The following SLC22A23 variants were observed in gnomAD, a reference collection of about 807,000 sequenced individuals.
SLC22A23 encodes solute carrier family 22 member 23, also known as ion transporter protein.
SLC22A23 carries 26 observed loss-of-function variants against 61.0 expected under a neutral mutation model. That is an observed-to-expected ratio of 0.43 (90% confidence interval 0.31 to 0.59). The LOEUF is 0.59. Ranked by LOEUF, SLC22A23 falls within the 20% of genes least tolerant of loss-of-function variation. The pLI is 0.11. For synonymous variants in SLC22A23, 430 were observed against 413.9 expected (o/e 1.04, Z -0.47); for missense variants, 796 against 934.7 (o/e 0.85, Z 1.94).
At chr6:3,335,476 C>T (rs1763800809) in intron 3 of SLC22A23, among the ~76,000 whole-genome samples, 1 of 152,226 alleles carries the variant, frequency 6.6e-6, no homozygotes, top group African/African-American at 2.4e-5. Context: ...TTAGTGACAG[C>T]ATCCTCCCTG....
intron 9 of SLC22A23, among the ~76,000 whole-genome samples, chr6:3,280,743 G>A (rs1289687833): frequency 6.6e-6 from 1 of 152,034 alleles, no homozygotes; most frequent in Non-Finnish European, 1.5e-5. Context: ...TGATCTGCCC[G>A]CCTCAGCCTC....
chr6:3,409,343 G>C (rs915124722), intron 3 of SLC22A23, among the ~76,000 whole-genome samples: 2 of 152,220 alleles, frequency 1.3e-5, no homozygotes. Context: ...AAAAATTTTA[G>C]CTATCTAAAA....
chr6:3,273,521 G>T, intron 9 of SLC22A23, 109 bp from the exon 10 acceptor site: 3 of 1,227,558 alleles, frequency 2.4e-6, no homozygotes, highest in Admixed American at 1.9e-5. Flanking sequence ...CTGCTGCCCT[G>T]GGCACTGCCC....
intron 6 of SLC22A23, 53 bp downstream of exon 6, chr6:3,289,711 C>A: frequency 6.7e-7 from 1 of 1,502,158 alleles, no homozygotes; most frequent in South Asian, 1.2e-5. Context: ...CCACTCCCCA[C>A]CTTCTTCCCT....
chr6:3,336,789 C>T (rs953844092), intron 3 of SLC22A23, among the ~76,000 whole-genome samples: 6 of 149,572 alleles, frequency 4.0e-5, no homozygotes, highest in African/African-American at 1.5e-4. Context: ...TAAGAAATAA[C>T]TGTAGTAGGC....
At chr6:3,417,280 A>G (rs1261503739) in intron 1 of SLC22A23, among the ~76,000 whole-genome samples, 1 of 152,134 alleles carries the variant, frequency 6.6e-6, no homozygotes, top group Non-Finnish European at 1.5e-5. Flanking sequence ...TGCTTTCCAG[A>G]GGTCTGAGGA....
intron 9 of SLC22A23, among the ~76,000 whole-genome samples, chr6:3,282,829 C>T (rs1759596185): frequency 6.6e-6 from 1 of 152,172 alleles, no homozygotes; most frequent in South Asian, 2.1e-4. Context: ...AACCTATAAG[C>T]ATGGTGGCAA....
intron 3 of SLC22A23, among the ~76,000 whole-genome samples, chr6:3,384,102 T>C (rs1767130266): frequency 6.6e-6 from 1 of 152,244 alleles, no homozygotes. Context: ...AGGTGCTTCA[T>C]TATCATAGCA....
rs77810065 is a variant in SLC22A23 at position 3,410,881 on chromosome 6, A to G, written c.759-539T>C. Among the ~76,000 whole-genome samples the G allele has an allele frequency of 3.3e-5, 5 of 152,320 alleles. 1 individual carries two copies. The East Asian group carries it at 9.7e-4, about 29-fold the overall frequency. On this transcript the variant is annotated intron_variant, in intron 2 of 9. Transcript: ENST00000406686. The surrounding 1 kb of genome is among the most constrained non-coding windows in gnomAD (Gnocchi z 5.0). ...GTCAATTTGTTTCAGCTACACGACG[A>G]GAAGTAATTTTTAAGGGATCACACA...
intron 8 of SLC22A23, among the ~76,000 whole-genome samples, chr6:3,284,465 C>T (rs9503521): frequency 0.12 from 18,625 of 152,224 alleles, 1,726 homozygotes; most frequent in African/African-American, 0.25. Context: ...CACCGGAGAC[C>T]GACCTCGCGC....
At position 3,309,701 on chromosome 6, in the gene SLC22A23, T is replaced by A. The variant is rs1341348458; in HGVS notation, c.1083-11483A>T. ...TACAGGAGCTTCACACACACATGCT[T>A]CTGAAGGGTTACACCACGGTCACAC... On this transcript the variant is annotated intron_variant, in intron 4 of 9. Coordinates refer to ENST00000406686, the MANE Select transcript of SLC22A23 (RefSeq NM_015482.2). The surrounding 1 kb of genome is among the most constrained non-coding windows in gnomAD (Gnocchi z 4.7). Among the ~76,000 whole-genome samples, 1 of 152,196 alleles carries A rather than the reference T, an allele frequency of 6.6e-6. No individual in the cohort carries two copies. The highest frequency in any genetic ancestry group is 1.5e-5 in the Non-Finnish European group (1 of 68,040).
chr6:3,349,793 A>C (rs1764655170), intron 3 of SLC22A23, among the ~76,000 whole-genome samples: 2 of 152,228 alleles, frequency 1.3e-5, no homozygotes, highest in African/African-American at 4.8e-5. Flanking sequence ...GGAAATTCAT[A>C]TGAAGTGGGC....
chr6:3,365,232 G>C (rs1207263070), intron 3 of SLC22A23, among the ~76,000 whole-genome samples: 1 of 152,202 alleles, frequency 6.6e-6, no homozygotes, highest in Non-Finnish European at 1.5e-5. Flanking sequence ...TGAGACAGGA[G>C]AATCACTTGA....
At chr6:3,395,529 TTAAAG>T (rs1175774535) in intron 3 of SLC22A23, among the ~76,000 whole-genome samples, 1 of 152,214 alleles carries the variant, frequency 6.6e-6, no homozygotes, top group East Asian at 1.9e-4. Flanking sequence ...AATTATTACT[TTAAAG>T]TAATGCCACA....
At chr6:3,388,793 G>A (rs1186826859) in intron 3 of SLC22A23, among the ~76,000 whole-genome samples, 1 of 152,142 alleles carries the variant, frequency 6.6e-6, no homozygotes, top group Non-Finnish European at 1.5e-5. Flanking sequence ...AAGACATGAT[G>A]CTAACTGAAG....
rs1202916591 is a variant in SLC22A23, at chr6:3,328,910, T to TC, written c.914-4909_914-4908insG. 6.6e-6 allele frequency among the ~76,000 whole-genome samples: 1 copy of TC among 151,588 alleles called. No individual in the cohort carries two copies. Among genetic ancestry groups the TC allele is most frequent in the Non-Finnish European group, 1.5e-5 (1 of 67,948 alleles). Reference sequence around the variant, plus strand: ...AAGCTGCACCCCCTCCCTCCCCTTCTTACTCCCCACTCTCTCATCCTGTCC... The same window carrying TC: ...AAGCTGCACCCCCTCCCTCCCCTTCTCTACTCCCCACTCTCTCATCCTGTCC... On this transcript the variant is annotated intron_variant, in intron 3 of 9. Coordinates refer to ENST00000406686, the MANE Select transcript of SLC22A23 (RefSeq NM_015482.2). The surrounding 1 kb of genome is among the most constrained non-coding windows in gnomAD (Gnocchi z 5.0).
Position 3,360,040 on chromosome 6 carries a change from T to C in SLC22A23, c.914-36038A>G, listed in dbSNP as rs978451436. Among the ~76,000 whole-genome samples, 2 of 152,256 alleles carry C rather than the reference T, an allele frequency of 1.3e-5. No homozygotes were observed. Among genetic ancestry groups the C allele is most frequent in the South Asian group, 4.2e-4 (2 of 4,818 alleles). On this transcript the variant is annotated intron_variant, in intron 3 of 9. Transcript: ENST00000406686. The surrounding 1 kb of genome is among the most constrained non-coding windows in gnomAD (Gnocchi z 4.6). Reference sequence around the variant, plus strand: ...AAGGACAAATATTGCATGATCCACTTAAATAGGTTCTTAGGTAGGCAAATT... The same window carrying C: ...AAGGACAAATATTGCATGATCCACTCAAATAGGTTCTTAGGTAGGCAAATT...
intron 1 of SLC22A23, among the ~76,000 whole-genome samples, chr6:3,453,998 T>A (rs1772274319): frequency 6.6e-6 from 1 of 152,240 alleles, no homozygotes; most frequent in East Asian, 1.9e-4. Context: ...GAAGCATTTG[T>A]TATGTGCTTG....
intron 1 of SLC22A23, among the ~76,000 whole-genome samples, chr6:3,435,934 A>C (rs901261089): frequency 1.3e-5 from 2 of 152,180 alleles, no homozygotes; most frequent in African/African-American, 4.8e-5. Context: ...CTGCAAGCCA[A>C]GGAGAGAGAA....
Sources: gnomAD v4.1 joint callset for allele counts (sites outside exome capture counted in the v4.1 genomes callset) on GRCh38, gnomAD v4.1.1 for gene constraint, Gnocchi (gnomAD v3.1) non-coding constraint, MANE v1.5 for transcripts, NCBI Gene and HGNC (gene_info 2026-07-23, HGNC 2026-07-21) for gene names.